TMEM98: variants seen among roughly 807,000 people sequenced by gnomAD.
TMEM98 encodes transmembrane protein 98.
TMEM98 carries 18 observed loss-of-function variants against 25.0 expected under a neutral mutation model. The observed-to-expected ratio is 0.72, with a 90% CI of 0.50 to 1.07. The LOEUF is 1.07. Among genes scored for constraint, TMEM98 ranks in the 50% least tolerant of loss-of-function variants. TMEM98 has a pLI of 0.00. For synonymous variants in TMEM98, 103 were observed against 112.4 expected, an observed-to-expected ratio of 0.92 and a Z score of 0.53; for missense variants, 241 against 289.0, an observed-to-expected ratio of 0.83 and a Z score of 1.20.
intron 4 of TMEM98, 37 bp downstream of exon 4, chr17:32,933,342 G>T (rs1470369476): frequency 3.6e-5 from 58 of 1,612,540 alleles, no homozygotes; most frequent in Non-Finnish European, 4.9e-5. Flanking sequence ...CGGGCTTCTG[G>T]CAAATGATGC....
At position 32,940,744 on chromosome 17, in the gene TMEM98, C is replaced by G. The variant is rs2091525048; in HGVS notation, c.474-42C>G. The G allele has an allele frequency of 1.9e-6, 3 of 1,584,366 alleles. No homozygotes were observed. In the East Asian group the frequency reaches 6.7e-5, roughly 35 times the overall value. ...ATTTGGGCTTTTGTGCAAAGTCCCT[C>G]ATTTCCTAGGAAACCTGACCCTATT... On this transcript the variant is annotated intron_variant, in intron 7 of 7. Transcript: ENST00000579849.
At chr17:32,929,102 C>T (rs2091451057) in intron 1 of TMEM98, among the ~76,000 whole-genome samples, 1 of 151,896 alleles carries the variant, frequency 6.6e-6, no homozygotes, top group South Asian at 2.1e-4. Flanking sequence ...CTCACACCCA[C>T]TCAAGCACAC....
At chr17:32,932,580 C>T (rs2091475697) in intron 3 of TMEM98, among the ~76,000 whole-genome samples, 1 of 152,158 alleles carries the variant, frequency 6.6e-6, no homozygotes, top group Non-Finnish European at 1.5e-5. Context: ...TTTATAAATG[C>T]CCATTTATAT....
At chr17:32,928,908 A>C (rs575870178) in intron 1 of TMEM98, among the ~76,000 whole-genome samples, 8 of 145,184 alleles carry the variant, frequency 5.5e-5, no homozygotes, top group African/African-American at 2.2e-4. Flanking sequence ...AGAGGCACAC[A>C]AGATAAACAC....
chr17:32,936,217 A>ACAAT, intron 5 of TMEM98, 115 bp from the exon 6 acceptor site: 1 of 754,658 alleles, frequency 1.3e-6, no homozygotes, highest in South Asian at 1.8e-5. Flanking sequence ...TCTGGCCATT[A>ACAAT]GGTTGGGGGC....
At position 32,939,645 on chromosome 17, in the gene TMEM98, A is replaced by G. The variant is rs909094099; in HGVS notation, c.473+109A>G. On this transcript the variant is annotated intron_variant, in intron 7 of 7. Coordinates refer to ENST00000579849, the MANE Select transcript of TMEM98 (RefSeq NM_015544.3). ...GCTTGTGTAGGGAGGGTGGCTTTGCAGCCTCCTTAGGCTGCCCGGGCCATG... is the reference window on the plus strand; with the variant it reads ...GCTTGTGTAGGGAGGGTGGCTTTGCGGCCTCCTTAGGCTGCCCGGGCCATG... 1.4e-5 allele frequency: 19 copies of G among 1,399,660 alleles called. No individual in the cohort carries two copies. In the African/African-American group the frequency reaches 2.5e-4, roughly 19 times the overall value. The allele number at this position is 1,399,660 out of a possible 1,614,324, so 86.7% of individuals were successfully genotyped here.
Position 32,933,182 on chromosome 17 carries a change from T to A in TMEM98, c.140T>A (p.Val47Glu). ...GGGGCCTTTTCTTCCAGGCCCATTG[T>A]GGACCTCATTGGTGCCATGGAGACC... ...LLQRYDSKPI[V>E]DLIGAMETQS... Residue 47 changes from valine to glutamate, a missense_variant, in exon 4 of 8, where the codon GTG becomes GAG. Coordinates refer to ENST00000579849, the MANE Select transcript of TMEM98 (RefSeq NM_015544.3). 6.2e-7 allele frequency: 1 copy of A among 1,614,164 alleles called. No homozygotes were observed. The highest frequency in any genetic ancestry group is 8.5e-7 in the Non-Finnish European group (1 of 1,179,988).
rs1468905286 is a variant in TMEM98, at chr17:32,933,243, C to T, written c.201C>T (p.Val67=). 2.5e-6 allele frequency: 4 copies of T among 1,614,124 alleles called. No individual in the cohort carries two copies. Among genetic ancestry groups the T allele is most frequent in the Non-Finnish European group, 2.5e-6 (3 of 1,180,018 alleles). The change falls in exon 4 of 8, where the codon GTC becomes GTT. Residue 67 remains valine (V), a synonymous_variant. Coordinates refer to ENST00000579849, the MANE Select transcript of TMEM98 (RefSeq NM_015544.3). ...CCTCTGAGTTAGAACTGGACGATGT[C>T]GTTATCACCAACCCCCACATTGAGG... is the stretch of plus-strand genomic sequence containing the variant. The part of the protein sequence containing the change: ...SEPSELELDD[V]VITNPHIEAI...
chr17:32,936,547 C>T (rs752209434), intron 6 of TMEM98, 100 bp downstream of exon 6: 10 of 955,888 alleles, frequency 1.0e-5, no homozygotes, highest in Admixed American at 2.4e-5. Flanking sequence ...TAAAATGGTG[C>T]ACAGGCAACT....
At chr17:32,933,407 CTG>C in intron 4 of TMEM98, 102 bp downstream of exon 4, 1 of 1,471,832 alleles carries the variant, frequency 6.8e-7, no homozygotes, top group South Asian at 1.2e-5. Context: ...AACAGTCACT[CTG>C]TTACTTGCTG....
At position 32,931,578 on chromosome 17, in the gene TMEM98, T is replaced by G; in HGVS notation, c.50T>G (p.Leu17Arg). The G allele has an allele frequency of 6.2e-7, 1 of 1,604,576 alleles. No homozygotes were observed. Among genetic ancestry groups the G allele is most frequent in the Non-Finnish European group, 8.5e-7 (1 of 1,175,800 alleles). The change falls in exon 3 of 8, where the codon CTG becomes CGG. Residue 17 changes from leucine to arginine, a missense_variant. Coordinates refer to ENST00000579849, the MANE Select transcript of TMEM98 (RefSeq NM_015544.3). Reference sequence around the variant, plus strand: ...ATAGGTGTGCTGGCCACCATCTTTCTGGCTTCGTTTGCAGCCTTGGTGCTG... The same window carrying G: ...ATAGGTGTGCTGGCCACCATCTTTCGGGCTTCGTTTGCAGCCTTGGTGCTG... ...VAIGVLATIF[L>R]ASFAALVLVC...
intron 3 of TMEM98, among the ~76,000 whole-genome samples, chr17:32,932,531 G>C (rs978197423): frequency 1.3e-5 from 2 of 152,150 alleles, no homozygotes; most frequent in Admixed American, 1.3e-4. Context: ...TTATCCTTCT[G>C]TCTTAATCCT....
intron 5 of TMEM98, 70 bp downstream of exon 5, chr17:32,934,394 A>G (rs1699874189): frequency 1.3e-6 from 2 of 1,571,586 alleles, no homozygotes; most frequent in Non-Finnish European, 1.8e-6. Context: ...GATGGAGTAG[A>G]ACGGGACCTT....
intron 6 of TMEM98, among the ~76,000 whole-genome samples, chr17:32,938,556 T>G (rs1431119456): frequency 2.0e-5 from 3 of 152,346 alleles, no homozygotes; most frequent in Admixed American, 1.3e-4. Context: ...GTTCTGAACT[T>G]GATTTAAAAA....
intron 1 of TMEM98, 68 bp from the exon 2 acceptor site, chr17:32,931,259 C>A: frequency 2.7e-6 from 1 of 376,152 alleles, no homozygotes; most frequent in Non-Finnish European, 4.8e-6. Flanking sequence ...AACTGGGGAG[C>A]AAATTCTTCT....
intron 7 of TMEM98, among the ~76,000 whole-genome samples, chr17:32,940,180 G>A (rs923152192): frequency 6.6e-6 from 1 of 152,174 alleles, no homozygotes; most frequent in African/African-American, 2.4e-5. Flanking sequence ...AGCTTTGTCC[G>A]TGGGTTAATA....
At chr17:32,932,140 G>A (rs1042623040) in intron 3 of TMEM98, among the ~76,000 whole-genome samples, 1 of 126,768 alleles carries the variant, frequency 7.9e-6, no homozygotes, top group Admixed American at 9.7e-5. Flanking sequence ...CACTCTCGTT[G>A]CCCAGGCTGG....
chr17:32,939,985 A>G (rs2091520029), intron 7 of TMEM98, among the ~76,000 whole-genome samples: 2 of 152,186 alleles, frequency 1.3e-5, no homozygotes, highest in Non-Finnish European at 1.5e-5. Context: ...ATGCGCATAC[A>G]CAGAGTGTAC....
intron 5 of TMEM98, 184 bp downstream of exon 5, chr17:32,934,508 C>G: frequency 3.1e-6 from 2 of 635,478 alleles, no homozygotes; most frequent in East Asian, 2.8e-5. Flanking sequence ...CACAGAATCT[C>G]AAGGCTGTTT....
Sources: allele counts gnomAD v4.1 joint callset (sites outside exome capture counted in the v4.1 genomes callset), GRCh38; gene constraint gnomAD v4.1.1; transcripts MANE v1.5; gene names NCBI Gene and HGNC (gene_info 2026-07-23, HGNC 2026-07-21).